The following ST18 variants were observed in gnomAD, a reference collection of about 807,000 sequenced individuals.
The protein encoded by ST18 is suppression of tumorigenicity 18 protein.
ST18 carries 50 observed loss-of-function variants against 110.0 expected under a neutral mutation model. That is an observed-to-expected ratio of 0.45 (90% CI 0.36 to 0.58). The LOEUF (loss-of-function observed/expected upper bound fraction) is 0.58. ST18 is among the 20% of genes least tolerant of loss of function. ST18 has a pLI of 0.00. For synonymous variants in ST18, 461 were observed against 452.4 expected (o/e 1.02, Z -0.24); for missense variants, 1,306 against 1,280.1 (o/e 1.02, Z -0.31).
intron 3 of ST18, among the ~76,000 whole-genome samples, chr8:52,227,382 G>A (rs2089856672): frequency 6.6e-6 from 1 of 152,056 alleles, no homozygotes; most frequent in African/African-American, 2.4e-5. Flanking sequence ...TATTACAGAG[G>A]GAGGCAAAAG....
intron 2 of ST18, among the ~76,000 whole-genome samples, chr8:52,397,469 T>A (rs908596079): frequency 6.6e-6 from 1 of 152,176 alleles, no homozygotes; most frequent in Non-Finnish European, 1.5e-5. Context: ...CTAGTCCTAT[T>A]TATTTATTTT....
chr8:52,408,509 T>G (rs892926245), intron 2 of ST18, among the ~76,000 whole-genome samples: 17 of 152,238 alleles, frequency 1.1e-4, no homozygotes, highest in African/African-American at 4.1e-4. Flanking sequence ...AGCTAATTTC[T>G]ATGTGAACTG....
intron 2 of ST18, among the ~76,000 whole-genome samples, chr8:52,348,628 C>G (rs1278175358): frequency 6.6e-6 from 1 of 152,100 alleles, no homozygotes; most frequent in Non-Finnish European, 1.5e-5. Context: ...CCTGTAATCC[C>G]AGCTACTCGG....
chr8:52,167,750 CGA>C (rs2063494905), intron 10 of ST18, among the ~76,000 whole-genome samples: 2 of 152,080 alleles, frequency 1.3e-5, no homozygotes, highest in Middle Eastern at 3.2e-3. Context: ...TGCAGGCCAC[CGA>C]GCAGCGGTCC....
Position 52,159,039 on chromosome 8 carries a change from A to G in ST18, c.1665T>C (p.Pro555=). 6.2e-7 allele frequency: 1 copy of G among 1,614,192 alleles called. No homozygotes were observed. Among genetic ancestry groups the G allele is most frequent in the South Asian group, 1.1e-5 (1 of 91,088 alleles). The change falls in exon 15 of 26, where the codon CCT becomes CCC. Residue 555 remains proline (P), a synonymous_variant. Transcript: ENST00000689386. ...LPSAGAHTQS[P]GRASSYSYGQ... is the part of the protein sequence containing the mutation. ...CGTAGCTATAAGAGCTGGCACGGCC[A>G]GGGCTCTGGGTGTGGGCGCCTGCAC...
intron 2 of ST18, among the ~76,000 whole-genome samples, chr8:52,304,773 G>A (rs1283917226): frequency 4.6e-5 from 7 of 152,152 alleles, no homozygotes; most frequent in African/African-American, 1.7e-4. Context: ...AATAGCCAAC[G>A]TCTGGGAAGG....
intron 2 of ST18, chr8:52,407,621 A>G (rs1298970186): frequency 1.3e-5 from 2 of 152,190 alleles, no homozygotes; most frequent in East Asian, 1.9e-4. Flanking sequence ...CAATCCTTCC[A>G]TGTTGAGGGA....
intron 12 of ST18, among the ~76,000 whole-genome samples, chr8:52,164,614 C>A (rs1311695365): frequency 6.6e-6 from 1 of 152,132 alleles, no homozygotes; most frequent in Non-Finnish European, 1.5e-5. Context: ...CATTTTCACC[C>A]CAAATATTTA....
At position 52,225,962 on chromosome 8, in the gene ST18, G is replaced by A. The variant is rs539638354; in HGVS notation, c.-419+4070C>T. On this transcript the variant is annotated intron_variant, in intron 3 of 25. Coordinates refer to ENST00000689386, the MANE Select transcript of ST18 (RefSeq NM_001352837.2). ...GTCCTTGTAACTACATAGAAACTTC[G>A]TAAAAGTCCTGTTAATCACTGCTGC... is the stretch of plus-strand genomic sequence containing the variant. Among the ~76,000 whole-genome samples, 17 of 152,184 alleles carry A rather than the reference G, an allele frequency of 1.1e-4. No individual in the cohort carries two copies. The East Asian group carries it at 3.1e-3, about 28-fold the overall frequency.
At chr8:52,273,488 C>T (rs1293121446) in intron 2 of ST18, among the ~76,000 whole-genome samples, 11 of 152,138 alleles carry the variant, frequency 7.2e-5, no homozygotes, top group Admixed American at 3.9e-4. Context: ...CACAATAGTA[C>T]GGGTTAACTC....
rs1055741805 is a variant in ST18 at position 52,269,159 on chromosome 8, C to T, written c.-464-39082G>A. 3.3e-5 allele frequency among the ~76,000 whole-genome samples: 5 copies of T among 152,172 alleles called. No individual in the cohort carries two copies. The East Asian group carries it at 5.8e-4, about 18-fold the overall frequency. On this transcript the variant is annotated intron_variant, in intron 2 of 25. Transcript: ENST00000689386. ...ATCAAAGATGTAGGCCAATGCTGGG[C>T]GGCAATGACTTTACACCTGAATAAG... is the stretch of plus-strand genomic sequence containing the variant.
chr8:52,221,302 T>G (rs762776287), intron 4 of ST18, among the ~76,000 whole-genome samples: 9 of 152,180 alleles, frequency 5.9e-5, no homozygotes, highest in Non-Finnish European at 1.0e-4. Flanking sequence ...CAAAATGTAT[T>G]CTTTTGTTAC....
At chr8:52,202,264 C>T (rs894707992) in intron 8 of ST18, among the ~76,000 whole-genome samples, 1 of 151,188 alleles carries the variant, frequency 6.6e-6, no homozygotes, top group African/African-American at 2.4e-5. Flanking sequence ...TTACAAGCTA[C>T]ATTATTCTCA....
chr8:52,229,792 T>A (rs1000138255), intron 3 of ST18: 2 of 152,216 alleles, frequency 1.3e-5, no homozygotes, highest in Admixed American at 6.5e-5. Context: ...TACATATTAA[T>A]GCCCCTAATA....
chr8:52,130,131 G>GA lies in ST18; in HGVS notation c.2666+1826dup, dbSNP rs1294629932. ...GAAAGAAAGAAAGAAAAGAAAGAAA[G>GA]AAAGAAAGAAAGAAAGAAAGAAAGA... On this transcript the variant is annotated intron_variant, in intron 22 of 25. Coordinates refer to ENST00000689386, the MANE Select transcript of ST18 (RefSeq NM_001352837.2). Among the ~76,000 whole-genome samples the GA allele has an allele frequency of 3.3e-4, 46 of 138,054 alleles. 1 individual carries two copies. The highest frequency in any genetic ancestry group is 1.0e-3 in the Admixed American group (14 of 14,024). 90.6% of individuals were successfully genotyped at this position (138,054 alleles called of 152,430 possible).
intron 2 of ST18, among the ~76,000 whole-genome samples, chr8:52,368,415 G>C (rs907732611): frequency 1.3e-5 from 2 of 152,062 alleles, no homozygotes; most frequent in African/African-American, 4.8e-5. Flanking sequence ...TCAAAATTCT[G>C]GTGTTTCTTG....
At chr8:52,164,485 C>T (rs796764691) in intron 12 of ST18, among the ~76,000 whole-genome samples, 11 of 152,204 alleles carry the variant, frequency 7.2e-5, no homozygotes, top group African/African-American at 2.6e-4. Flanking sequence ...AGTTTTTCAC[C>T]TTAGTTGAAA....
At chr8:52,290,560 A>G (rs2095540415) in intron 2 of ST18, among the ~76,000 whole-genome samples, 1 of 152,220 alleles carries the variant, frequency 6.6e-6, no homozygotes, top group African/African-American at 2.4e-5. Context: ...AACTTCCTCA[A>G]TGCGTTGATT....
At chr8:52,357,679 AT>A (rs1564567956) in intron 2 of ST18, among the ~76,000 whole-genome samples, 1,112 of 19,734 alleles carry the variant, frequency 0.056, 49 homozygotes, top group African/African-American at 0.088. Context: ...ATCTATAAAT[AT>A]ATATATATAT....
Sources: gnomAD v4.1 joint callset for allele counts (sites outside exome capture counted in the v4.1 genomes callset) on GRCh38, gnomAD v4.1.1 for gene constraint, MANE v1.5 for transcripts, NCBI Gene and HGNC (gene_info 2026-07-23, HGNC 2026-07-21) for gene names.